The following TDRP variants were observed in gnomAD, a reference collection of about 807,000 sequenced individuals.
TDRP encodes testis development-related protein.
In TDRP, 12 loss-of-function variants were observed where a neutral mutation model predicts 10.5. The observed-to-expected ratio is 1.15, with a 90% CI of 0.73 to 1.86. TDRP has a LOEUF of 1.86. Among genes scored for constraint, TDRP ranks in the 40% most tolerant of loss-of-function variants. TDRP has a pLI of 0.00. For synonymous variants in TDRP, 139 were observed against 95.4 expected, an observed-to-expected ratio of 1.46 and a Z score of -2.67; for missense variants, 353 against 229.2, an observed-to-expected ratio of 1.54 and a Z score of -3.49.
At chr8:518,538 C>T (rs770946063) in intron 1 of TDRP, among the ~76,000 whole-genome samples, 7 of 151,916 alleles carry the variant, frequency 4.6e-5, no homozygotes, top group African/African-American at 9.7e-5. Context: ...GTAAGAGGTG[C>T]ATGACAAAAA....
chr8:505,569 T>C (rs1385716867), intron 1 of TDRP, among the ~76,000 whole-genome samples: 1 of 152,138 alleles, frequency 6.6e-6, no homozygotes, highest in Non-Finnish European at 1.5e-5. Flanking sequence ...CAGGAGCCAA[T>C]GTCAGCCTCC....
intron 1 of TDRP, among the ~76,000 whole-genome samples, chr8:531,173 CTTTT>C (rs200541121): frequency 6.6e-6 from 1 of 151,590 alleles, no homozygotes. Context: ...AATTAAATGG[CTTTT>C]TTTTTCTCCT....
At chr8:525,538 G>C (rs1043371327) in intron 1 of TDRP, among the ~76,000 whole-genome samples, 1 of 152,092 alleles carries the variant, frequency 6.6e-6, no homozygotes, top group Non-Finnish European at 1.5e-5. Flanking sequence ...AAACAACAAA[G>C]AGAAATCAGG....
intron 1 of TDRP, among the ~76,000 whole-genome samples, chr8:530,800 C>T (rs1297337319): frequency 6.6e-6 from 1 of 152,132 alleles, no homozygotes; most frequent in African/African-American, 2.4e-5. Flanking sequence ...CTTGGGCAGT[C>T]CCCCTGAAAA....
chr8:498,258 G>A (rs1310278349), intron 1 of TDRP, among the ~76,000 whole-genome samples: 1 of 152,152 alleles, frequency 6.6e-6, no homozygotes, highest in Non-Finnish European at 1.5e-5. Context: ...AATCAAATGG[G>A]GCTGTACCCT....
chr8:498,630 G>A (rs1478358362), intron 1 of TDRP, among the ~76,000 whole-genome samples: 2 of 152,260 alleles, frequency 1.3e-5, no homozygotes, highest in East Asian at 3.9e-4. Flanking sequence ...TTAAGATTTT[G>A]GGGGATTGTT....
chr8:545,608 C>T (rs1039263308), upstream of TDRP: 1 of 152,156 alleles, frequency 6.6e-6, no homozygotes, highest in Non-Finnish European at 1.5e-5. Flanking sequence ...GGAGCGGCGC[C>T]TGTACCCCAG....
intron 1 of TDRP, among the ~76,000 whole-genome samples, chr8:543,125 T>C (rs970282363): frequency 6.6e-6 from 1 of 151,988 alleles, no homozygotes; most frequent in South Asian, 2.1e-4. Flanking sequence ...CTGGACAACA[T>C]AGCAAGACCC....
chr8:494,677 G>T, intron 1 of TDRP, 80 bp from the exon 2 acceptor site: 1 of 1,304,100 alleles, frequency 7.7e-7, no homozygotes, highest in Non-Finnish European at 1.1e-6. Context: ...TAACCATGGA[G>T]TTGAAATTTA....
At chr8:533,425 T>G (rs950290903) in intron 1 of TDRP, among the ~76,000 whole-genome samples, 2 of 152,168 alleles carry the variant, frequency 1.3e-5, no homozygotes, top group African/African-American at 2.4e-5. Context: ...CTTTTCTGCC[T>G]TCATCTCCAC....
Position 492,689 on chromosome 8 carries a change from C to T in TDRP, c.268G>A (p.Asp90Asn). 6.2e-7 allele frequency: 1 copy of T among 1,613,870 alleles called. No individual in the cohort carries two copies. Among genetic ancestry groups the T allele is most frequent in the Non-Finnish European group, 8.5e-7 (1 of 1,179,838 alleles). The part of the protein sequence containing the change: ...LKAEKKSGFW[D>N]NLVLKQNIQS... ...ATATTCTGTTTTAAAACCAAATTGT[C>T]CCAAAATCCAGATTTCTTCTCTGCC... The change falls in exon 3 of 3, where the codon GAC (aspartate) becomes AAC (asparagine). Residue 90 changes from aspartate to asparagine, a missense_variant. Physicochemically the swap from Asp to Asn is conservative, Grantham distance 23 (BLOSUM62 1). Coordinates refer to ENST00000324079, the MANE Select transcript of TDRP (RefSeq NM_001384899.1).
chr8:533,033 G>C (rs1802248090), intron 1 of TDRP, among the ~76,000 whole-genome samples: 1 of 152,142 alleles, frequency 6.6e-6, no homozygotes, highest in African/African-American at 2.4e-5. Context: ...TTGCCCCAAA[G>C]TCCCAAAATG....
intron 1 of TDRP, among the ~76,000 whole-genome samples, chr8:502,577 T>C (rs1801334671): frequency 6.6e-6 from 1 of 151,968 alleles, no homozygotes; most frequent in Admixed American, 6.6e-5. Flanking sequence ...CCCAGAGCCA[T>C]GCAGTGGGAC....
intron 1 of TDRP, among the ~76,000 whole-genome samples, chr8:517,376 G>C (rs1354005547): frequency 6.6e-6 from 1 of 152,186 alleles, no homozygotes; most frequent in African/African-American, 2.4e-5. Context: ...TGAACAAGGA[G>C]AGATTAAACG....
chr8:528,872 T>G (rs1187560895), intron 1 of TDRP, among the ~76,000 whole-genome samples: 2 of 151,190 alleles, frequency 1.3e-5, no homozygotes, highest in African/African-American at 2.4e-5. Context: ...TAAAGGGGAA[T>G]TTATTAAGTA....
At position 522,242 on chromosome 8, in the gene TDRP, T is replaced by C. The variant is rs186385237; in HGVS notation, c.108+22408A>G. On this transcript the variant is annotated intron_variant, in intron 1 of 2. Transcript: ENST00000324079. ...AGCACTCTGCTGTCAGATGCAGATA[T>C]AACCGTTATATCTTCCTGGTGAACT... Among the ~76,000 whole-genome samples, 9 of 152,358 alleles carry C rather than the reference T, an allele frequency of 5.9e-5. No individual in the cohort carries two copies. In the East Asian group the frequency reaches 1.5e-3, roughly 26 times the overall value.
chr8:523,938 G>C (rs938014962), intron 1 of TDRP, among the ~76,000 whole-genome samples: 1 of 152,296 alleles, frequency 6.6e-6, no homozygotes, highest in East Asian at 1.9e-4. Flanking sequence ...TAGAGCCCTA[G>C]GGCCTTTAGC....
intron 1 of TDRP, among the ~76,000 whole-genome samples, chr8:543,903 AAG>A (rs1802565164): frequency 7.8e-6 from 1 of 128,652 alleles, no homozygotes; most frequent in African/African-American, 2.9e-5. Context: ...GTACATGAAA[AAG>A]AGCACTGCAA....
chr8:531,086 A>G (rs1187598408), intron 1 of TDRP, among the ~76,000 whole-genome samples: 1 of 152,106 alleles, frequency 6.6e-6, no homozygotes, highest in Non-Finnish European at 1.5e-5. Context: ...TCCTTTCTTC[A>G]CTTTCTACCC....
Sources: gnomAD v4.1 joint callset for allele counts (sites outside exome capture counted in the v4.1 genomes callset) on GRCh38, gnomAD v4.1.1 for gene constraint, MANE v1.5 for transcripts, NCBI Gene and HGNC (gene_info 2026-07-23, HGNC 2026-07-21) for gene names.